PTPRT: variants seen among roughly 807,000 people sequenced by gnomAD.
PTPRT encodes the protein receptor-type tyrosine-protein phosphatase T.
Under a neutral mutation model 176.8 loss-of-function variants are expected in PTPRT, and 56 were observed. The ratio of observed to expected loss-of-function variants is 0.32; its 90% CI spans 0.26 to 0.40. The LOEUF is 0.40. Among genes scored for constraint, PTPRT ranks in the 10% least tolerant of loss-of-function variants. PTPRT has a pLI of 1.00. For missense variants in PTPRT, 1,540 were observed against 1,908.2 expected, an observed-to-expected ratio of 0.81 and a Z score of 3.60; for synonymous variants, 783 against 739.0, an observed-to-expected ratio of 1.06 and a Z score of -0.96.
chr20:43,181,182 G>T (rs546003479), intron 1 of PTPRT, among the ~76,000 whole-genome samples: 5 of 152,200 alleles, frequency 3.3e-5, no homozygotes, highest in Admixed American at 2.6e-4. Context: ...AGCCACGGAA[G>T]TGAACCTGGA....
intron 11 of PTPRT, among the ~76,000 whole-genome samples, chr20:42,345,514 TATAG>T (rs1254525696): frequency 2.0e-5 from 3 of 148,662 alleles, no homozygotes; most frequent in African/African-American, 7.4e-5. Flanking sequence ...AACTAGTTAC[TATAG>T]ATATACATAT....
At chr20:42,423,178 T>TAAAAAA (rs34775268) in intron 9 of PTPRT, among the ~76,000 whole-genome samples, 110 of 87,918 alleles carry the variant, frequency 1.3e-3, no homozygotes, top group East Asian at 1.6e-3. Flanking sequence ...ACCTTAAAAG[T>TAAAAAA]AAAAAAAAAA....
chr20:42,632,252 T>C (rs2145893024), intron 7 of PTPRT, among the ~76,000 whole-genome samples: 1 of 152,292 alleles, frequency 6.6e-6, no homozygotes, highest in African/African-American at 2.4e-5. Context: ...TGTTTTTTTG[T>C]TTTTGAGACG....
intron 5 of PTPRT, among the ~76,000 whole-genome samples, chr20:42,769,515 T>G (rs892567209): frequency 4.6e-5 from 7 of 152,212 alleles, no homozygotes; most frequent in Admixed American, 2.6e-4. Flanking sequence ...TTTCATAGAC[T>G]GCTGGTAGGA....
At chr20:42,357,033 A>G (rs190567168) in intron 9 of PTPRT, among the ~76,000 whole-genome samples, 1 of 152,046 alleles carries the variant, frequency 6.6e-6, no homozygotes, top group Non-Finnish European at 1.5e-5. Context: ...CCAGGTTCTT[A>G]TTTTACGTTT....
intron 15 of PTPRT, among the ~76,000 whole-genome samples, chr20:42,223,998 C>T (rs1315852347): frequency 6.6e-6 from 1 of 152,212 alleles, no homozygotes; most frequent in Non-Finnish European, 1.5e-5. Context: ...ACTAATCTTT[C>T]CATTCTTCCA....
chr20:42,456,125 A>C (rs1168233639), intron 8 of PTPRT, among the ~76,000 whole-genome samples: 1 of 152,010 alleles, frequency 6.6e-6, no homozygotes, highest in Non-Finnish European at 1.5e-5. Flanking sequence ...TTGAAAACTT[A>C]TGTTAAATGT....
At chr20:42,995,358 C>T (rs918296646) in intron 1 of PTPRT, among the ~76,000 whole-genome samples, 1 of 152,122 alleles carries the variant, frequency 6.6e-6, no homozygotes, top group African/African-American at 2.4e-5. Context: ...ATATTGAAAG[C>T]ATTCTAGCAA....
intron 1 of PTPRT, among the ~76,000 whole-genome samples, chr20:42,985,755 A>G (rs1228377082): frequency 6.6e-6 from 1 of 152,196 alleles, no homozygotes; most frequent in East Asian, 1.9e-4. Context: ...GAATGGTCAG[A>G]CTCAGCCTCA....
chr20:42,042,352 T>C, the PTPRT span, among the ~76,000 whole-genome samples: 3 of 152,220 alleles, frequency 2.0e-5, no homozygotes, highest in Admixed American at 6.5e-5. Context: ...AAACACCTAA[T>C]AAATTAAACA....
At chr20:42,830,388 A>C (rs1041899717) in intron 2 of PTPRT, among the ~76,000 whole-genome samples, 7 of 152,222 alleles carry the variant, frequency 4.6e-5, no homozygotes, top group Non-Finnish European at 1.0e-4. Flanking sequence ...CTTTCAATAA[A>C]ATTCAATATC....
chr20:42,507,580 T>C (rs1194213219), intron 7 of PTPRT, among the ~76,000 whole-genome samples: 3 of 152,152 alleles, frequency 2.0e-5, no homozygotes, highest in Admixed American at 2.0e-4. Context: ...AGAAATATAA[T>C]AAATCAGAAC....
At chr20:43,099,535 C>T (rs2012307263) in intron 1 of PTPRT, among the ~76,000 whole-genome samples, 2 of 152,110 alleles carry the variant, frequency 1.3e-5, no homozygotes, top group South Asian at 4.1e-4. Context: ...AACTTGCTTC[C>T]CCCAGACAGC....
intron 1 of PTPRT, among the ~76,000 whole-genome samples, chr20:43,074,498 C>T (rs1387826816): frequency 1.3e-5 from 2 of 152,138 alleles, no homozygotes; most frequent in African/African-American, 4.8e-5. Flanking sequence ...TGAATAAGTC[C>T]TCATGTAATC....
At chr20:42,113,051 T>C (rs570919769) in intron 22 of PTPRT, among the ~76,000 whole-genome samples, 1 of 152,294 alleles carries the variant, frequency 6.6e-6, no homozygotes, top group African/African-American at 2.4e-5. Context: ...TCCCTGTTTA[T>C]TATTTCCAGG....
At chr20:42,884,847 G>A (rs527705710) in intron 2 of PTPRT, among the ~76,000 whole-genome samples, 9 of 152,256 alleles carry the variant, frequency 5.9e-5, no homozygotes, top group Non-Finnish European at 1.0e-4. Flanking sequence ...TGATTATTCA[G>A]AAAAGTGAGC....
intron 1 of PTPRT, among the ~76,000 whole-genome samples, chr20:43,149,364 A>G (rs576324093): frequency 6.6e-6 from 1 of 152,222 alleles, no homozygotes; most frequent in Non-Finnish European, 1.5e-5. Flanking sequence ...CACTAGGTTA[A>G]TTCTATTCAC....
At chr20:42,391,525 G>A (rs117494010) in intron 9 of PTPRT, among the ~76,000 whole-genome samples, 1 of 152,254 alleles carries the variant, frequency 6.6e-6, no homozygotes, top group Non-Finnish European at 1.5e-5. Context: ...AGGCCTGGAC[G>A]ACTCCCATCA....
At chr20:42,448,826 A>G (rs2070776488) in intron 8 of PTPRT, among the ~76,000 whole-genome samples, 1 of 151,836 alleles carries the variant, frequency 6.6e-6, no homozygotes, top group Admixed American at 6.6e-5. Context: ...GCCACACATA[A>G]AATACACTAA....
Sources: allele counts gnomAD v4.1 joint callset (sites outside exome capture counted in the v4.1 genomes callset), GRCh38; gene constraint gnomAD v4.1.1; transcripts MANE v1.5; gene names NCBI Gene and HGNC (gene_info 2026-07-23, HGNC 2026-07-21).